The following LRP6 variants were observed in gnomAD, a reference collection of about 807,000 sequenced individuals.
LRP6 encodes LDL receptor related protein 6.
In LRP6, 43 loss-of-function variants were observed where a neutral mutation model predicts 184.1. That is an observed-to-expected ratio of 0.23 (90% CI 0.18 to 0.30). LRP6 has a LOEUF of 0.30. Among genes scored for constraint, LRP6 ranks in the 10% least tolerant of loss-of-function variants. The pLI is 1.00. For synonymous variants in LRP6, 719 were observed against 684.9 expected, an observed-to-expected ratio of 1.05 and a Z score of -0.78; for missense variants, 1,571 against 2,005.3, an observed-to-expected ratio of 0.78 and a Z score of 4.14.
chr12:12,137,988 C>G (rs931303016), intron 16 of LRP6, among the ~76,000 whole-genome samples: 2 of 151,502 alleles, frequency 1.3e-5, no homozygotes, highest in African/African-American at 4.9e-5. Context: ...CATGGTGAAA[C>G]CCTGCTTCTA....
intron 2 of LRP6, among the ~76,000 whole-genome samples, chr12:12,243,959 C>T (rs1260313516): frequency 6.6e-6 from 1 of 151,992 alleles, no homozygotes; most frequent in African/African-American, 2.4e-5. Context: ...TAGCGCACAC[C>T]TAAAGTCCCA....
intron 4 of LRP6, among the ~76,000 whole-genome samples, chr12:12,184,660 T>C (rs1315761170): frequency 6.6e-6 from 1 of 152,196 alleles, no homozygotes; most frequent in Non-Finnish European, 1.5e-5. Context: ...TTAAGGTTTC[T>C]ACTGACTAAT....
intron 2 of LRP6, among the ~76,000 whole-genome samples, chr12:12,204,240 A>G (rs1291392118): frequency 6.6e-6 from 1 of 150,838 alleles, no homozygotes; most frequent in East Asian, 1.9e-4. Flanking sequence ...GAGACACTAC[A>G]AAACAGTTGG....
intron 12 of LRP6, 53 bp downstream of exon 12, chr12:12,158,776 G>T: frequency 1.3e-6 from 2 of 1,565,970 alleles, no homozygotes; most frequent in Non-Finnish European, 8.8e-7. Context: ...AAAGTACTTT[G>T]AAAATGCTGC....
Position 12,257,010 on chromosome 12 carries a change from C to T in LRP6, c.55+9671G>A, listed in dbSNP as rs935039087. ...AATGCTAAGTGATAGAAGCTAGACA[C>T]AAAAGGCCACATATTTTATTCCATT... On this transcript the variant is annotated intron_variant, in intron 1 of 22. Coordinates refer to ENST00000261349, the MANE Select transcript of LRP6 (RefSeq NM_002336.3). Among the ~76,000 whole-genome samples the T allele has an allele frequency of 2.6e-5, 4 of 152,114 alleles. No individual in the cohort carries two copies. The South Asian group carries it at 8.3e-4, about 32-fold the overall frequency.
intron 1 of LRP6, among the ~76,000 whole-genome samples, chr12:12,254,381 G>A (rs1865411109): frequency 6.6e-6 from 1 of 152,008 alleles, no homozygotes; most frequent in African/African-American, 2.4e-5. Flanking sequence ...GATGATTATG[G>A]GTTTCGTTTA....
intron 12 of LRP6, among the ~76,000 whole-genome samples, 174 bp from the exon 13 acceptor site, chr12:12,151,212 A>C (rs928094372): frequency 2.0e-5 from 3 of 152,220 alleles, no homozygotes; most frequent in Non-Finnish European, 2.9e-5. Context: ...TCAGAGTAAC[A>C]CTAATCAGCT....
At chr12:12,231,824 G>A (rs575357281) in intron 2 of LRP6, among the ~76,000 whole-genome samples, 7 of 152,004 alleles carry the variant, frequency 4.6e-5, no homozygotes, top group Admixed American at 1.3e-4. Context: ...AGTCCATCCT[G>A]AGCAACATGG....
At chr12:12,180,407 A>C (rs1348795860) in intron 6 of LRP6, among the ~76,000 whole-genome samples, 3 of 152,080 alleles carry the variant, frequency 2.0e-5, no homozygotes, top group Non-Finnish European at 2.9e-5. Context: ...TGCAGTGCTA[A>C]GTGATTCTTA....
At position 12,151,661 on chromosome 12, in the gene LRP6, G is replaced by A. The variant is rs139594473; in HGVS notation, c.2792-623C>T. Among the ~76,000 whole-genome samples the A allele has an allele frequency of 6.1e-3, 922 of 151,946 alleles. 8 individuals carry two copies. Among genetic ancestry groups the A allele is most frequent in the African/African-American group, 0.021 (881 of 41,454 alleles). Reference sequence around the variant, plus strand: ...TATGAAAATACTTTAGAAACTGTAAGGCACTATATAAATGTAAATTTTTAA... The same window carrying A: ...TATGAAAATACTTTAGAAACTGTAAAGCACTATATAAATGTAAATTTTTAA... On this transcript the variant is annotated intron_variant, in intron 12 of 22. Transcript: ENST00000261349.
At chr12:12,131,243 G>C (rs1019990486) in intron 18 of LRP6, among the ~76,000 whole-genome samples, 1 of 151,884 alleles carries the variant, frequency 6.6e-6, no homozygotes, top group African/African-American at 2.4e-5. Flanking sequence ...AAGTAGCTGG[G>C]ACTACAGGCG....
At chr12:12,169,339 A>C (rs957895950) in intron 7 of LRP6, among the ~76,000 whole-genome samples, 4 of 152,160 alleles carry the variant, frequency 2.6e-5, no homozygotes, top group African/African-American at 9.7e-5. Context: ...CAAATCAATT[A>C]ACAAAAGCAG....
intron 3 of LRP6, among the ~76,000 whole-genome samples, chr12:12,189,192 T>A (rs1863552351): frequency 6.6e-6 from 1 of 152,120 alleles, no homozygotes; most frequent in African/African-American, 2.4e-5. Flanking sequence ...TGAGCTTAAA[T>A]CCCCCCTTGA....
At position 12,146,095 on chromosome 12, in the gene LRP6, T is replaced by C. The variant is rs1367917585; in HGVS notation, c.3397+1271A>G. Among the ~76,000 whole-genome samples, 7 of 152,312 alleles carry C rather than the reference T, an allele frequency of 4.6e-5. No homozygotes were observed. The South Asian group carries it at 1.2e-3, about 27-fold the overall frequency. ...GTGCACACAGATCTACCTTATTCTT[T>C]TGAATGACTGTAATATTCCATACAC... On this transcript the variant is annotated intron_variant, in intron 15 of 22. Coordinates refer to ENST00000261349, the MANE Select transcript of LRP6 (RefSeq NM_002336.3).
At position 12,212,707 on chromosome 12, in the gene LRP6, A is replaced by G. The variant is rs114912750; in HGVS notation, c.450-9307T>C. 2.9e-3 allele frequency among the ~76,000 whole-genome samples: 436 copies of G among 152,324 alleles called. 3 individuals carry two copies. The highest frequency in any genetic ancestry group is 9.9e-3 in the African/African-American group (411 of 41,576). On this transcript the variant is annotated intron_variant, in intron 2 of 22. Coordinates refer to ENST00000261349, the MANE Select transcript of LRP6 (RefSeq NM_002336.3). ...CCTGTCACTCAAATCTGGAAGCTAT[A>G]TATGCTTCACTGACTTTTTCATTAA...
intron 2 of LRP6, among the ~76,000 whole-genome samples, chr12:12,240,035 TAC>T (rs747236412): frequency 4.0e-5 from 6 of 149,860 alleles, no homozygotes; most frequent in Admixed American, 6.6e-5. Context: ...AGAACACATG[TAC>T]ACACACACAC....
At chr12:12,214,775 T>A (rs1864295617) in intron 2 of LRP6, among the ~76,000 whole-genome samples, 2 of 152,216 alleles carry the variant, frequency 1.3e-5, no homozygotes, top group African/African-American at 4.8e-5. Context: ...AGGTTTTGGA[T>A]AAACATAGAA....
chr12:12,124,771 T>C (rs1263338699), intron 21 of LRP6, 109 bp from the exon 22 acceptor site: 9 of 692,032 alleles, frequency 1.3e-5, no homozygotes, highest in Middle Eastern at 3.9e-4. Context: ...CAATACACTA[T>C]TAGCACAATT....
intron 2 of LRP6, among the ~76,000 whole-genome samples, chr12:12,234,900 C>T (rs1446984502): frequency 6.6e-6 from 1 of 151,118 alleles, no homozygotes; most frequent in South Asian, 2.1e-4. Context: ...AATATACACA[C>T]GTATCAACTC....
Sources: gnomAD v4.1 joint callset for allele counts (sites outside exome capture counted in the v4.1 genomes callset) on GRCh38, gnomAD v4.1.1 for gene constraint, MANE v1.5 for transcripts, NCBI Gene and HGNC (gene_info 2026-07-23, HGNC 2026-07-21) for gene names.